The following SLC22A4 variants were observed in gnomAD, a reference collection of about 807,000 sequenced individuals.
SLC22A4 encodes the protein ET transporter.
Under a neutral mutation model 56.6 loss-of-function variants are expected in SLC22A4, and 39 were observed. That is an observed-to-expected ratio of 0.69 (90% CI 0.53 to 0.90). The LOEUF (loss-of-function observed/expected upper bound fraction) is 0.90, where lower values mean the gene tolerates loss of function less well. Ranked by LOEUF, SLC22A4 falls within the 40% of genes least tolerant of loss-of-function variation. The probability of loss-of-function intolerance (pLI) is 0.00; values close to 1 mark genes in which losing one functional copy is unlikely to be tolerated. For missense variants in SLC22A4, 594 were observed against 696.5 expected (o/e 0.85, Z 1.66); for synonymous variants, 241 against 281.4 (o/e 0.86, Z 1.44).
At chr5:132,315,264 C>T (rs569707528) in intron 3 of SLC22A4, among the ~76,000 whole-genome samples, 5 of 152,172 alleles carry the variant, frequency 3.3e-5, no homozygotes, top group South Asian at 2.1e-4. Context: ...CTCCCCAAAA[C>T]GGAGGACTCT....
chr5:132,316,954 C>G (rs551846463), intron 3 of SLC22A4, among the ~76,000 whole-genome samples: 4 of 152,258 alleles, frequency 2.6e-5, no homozygotes, highest in Non-Finnish European at 5.9e-5. Flanking sequence ...AGTCCAAGAT[C>G]AAAGTGCCAG....
chr5:132,301,414 G>A (rs918292363), intron 1 of SLC22A4, among the ~76,000 whole-genome samples: 2 of 152,228 alleles, frequency 1.3e-5, no homozygotes, highest in Non-Finnish European at 2.9e-5. Flanking sequence ...GTCCTCTTCT[G>A]CAGCTGGGCT....
intron 1 of SLC22A4, among the ~76,000 whole-genome samples, chr5:132,298,352 C>T (rs918128102): frequency 6.6e-5 from 10 of 152,210 alleles, no homozygotes; most frequent in Non-Finnish European, 1.0e-4. Context: ...GAGGAGACTA[C>T]GCTTAGTGAA....
rs1217732111 is a variant in SLC22A4, at chr5:132,294,968, G to C, written c.352G>C (p.Glu118Gln). 4.4e-6 allele frequency: 7 copies of C among 1,607,194 alleles called. No homozygotes were observed. Among genetic ancestry groups the C allele is most frequent in the Non-Finnish European group, 1.7e-6 (2 of 1,177,450 alleles). The part of the protein sequence containing the change: ...LEQESCLDGW[E>Q]FSQDVYLSTV... Reference sequence around the variant, plus strand: ...GCAGGAGAGCTGCCTGGATGGCTGGGAGTTCAGCCAGGACGTCTACCTGTC... The same window carrying C: ...GCAGGAGAGCTGCCTGGATGGCTGGCAGTTCAGCCAGGACGTCTACCTGTC... Residue 118 changes from glutamate (E) to glutamine (Q), a missense_variant, in exon 1 of 10, where the codon GAG becomes CAG. Transcript: ENST00000200652. The surrounding 1 kb of genome is among the most constrained non-coding windows in gnomAD (Gnocchi z 5.6).
At position 132,294,425 on chromosome 5, in the gene SLC22A4, C is replaced by T; in HGVS notation, c.-192C>T. 5.7e-6 allele frequency: 4 copies of T among 702,272 alleles called. No individual in the cohort carries two copies. The highest frequency in any genetic ancestry group is 9.6e-6 in the Non-Finnish European group (4 of 418,842). 43.5% of individuals were successfully genotyped at this position (702,272 alleles called of 1,614,324 possible). On this transcript the variant is annotated 5_prime_UTR_variant, in exon 1 of 10. Transcript: ENST00000200652. The surrounding 1 kb of genome is among the most constrained non-coding windows in gnomAD (Gnocchi z 5.6). ...ACAGTGGCATCAAGCTCAGCGCGAG[C>T]TCCCGGGAACGCTCCAACGCCTTCA...
At chr5:132,306,226 T>C (rs191240884) in intron 1 of SLC22A4, among the ~76,000 whole-genome samples, 63 of 151,588 alleles carry the variant, frequency 4.2e-4, no homozygotes, top group African/African-American at 1.5e-3. Flanking sequence ...ATTTCACTAC[T>C]ATGTATATAC....
At chr5:132,322,766 AG>A (rs1248835499) in intron 4 of SLC22A4, among the ~76,000 whole-genome samples, 2 of 152,246 alleles carry the variant, frequency 1.3e-5, no homozygotes, top group Non-Finnish European at 2.9e-5. Flanking sequence ...CATCTATGAA[AG>A]GGAAGCCTAT....
intron 1 of SLC22A4, among the ~76,000 whole-genome samples, chr5:132,306,863 T>A (rs771743131): frequency 8.5e-5 from 13 of 152,154 alleles, no homozygotes; most frequent in Non-Finnish European, 2.9e-5. Context: ...AAACACTATA[T>A]ATTGTATGAT....
At chr5:132,316,709 G>A (rs1363503964) in intron 3 of SLC22A4, among the ~76,000 whole-genome samples, 1 of 152,192 alleles carries the variant, frequency 6.6e-6, no homozygotes, top group Non-Finnish European at 1.5e-5. Context: ...AGGTGTGTAA[G>A]TGATGGCATC....
Position 132,312,244 on chromosome 5 carries a change from G to A in SLC22A4, c.477G>A (p.Val159=). The A allele has an allele frequency of 6.2e-7, 1 of 1,612,932 alleles. No homozygotes were observed. Among genetic ancestry groups the A allele is most frequent in the South Asian group, 1.1e-5 (1 of 91,058 alleles). The part of the protein sequence containing the change: ...FFVGVLLGSF[V]SGQLSDRFGR... ...TAGGCGTGCTCCTCGGCTCCTTCGT[G>A]TCCGGGCAGCTGTCAGACAGGTAAG... The change falls in exon 2 of 10, where the codon GTG becomes GTA. Residue 159 remains valine (V), a synonymous_variant. Coordinates refer to ENST00000200652, the MANE Select transcript of SLC22A4 (RefSeq NM_003059.3).
chr5:132,324,064 C>T (rs371443547), intron 4 of SLC22A4, among the ~76,000 whole-genome samples: 3 of 152,012 alleles, frequency 2.0e-5, no homozygotes, highest in East Asian at 1.9e-4. Flanking sequence ...CAGTGGTGAG[C>T]GCCTGTAGTC....
At chr5:132,335,767 G>C in intron 7 of SLC22A4, 51 bp from the exon 8 acceptor site, 1 of 1,440,080 alleles carries the variant, frequency 6.9e-7, no homozygotes, top group Non-Finnish European at 9.8e-7. Flanking sequence ...ACTGATATAA[G>C]AAAGTATCAC....
At chr5:132,340,063 G>GTTTTTTTTTTTTTTTTT (rs4646203) in intron 8 of SLC22A4, among the ~76,000 whole-genome samples, 1 of 94,870 alleles carries the variant, frequency 1.1e-5, no homozygotes, top group Non-Finnish European at 2.1e-5. Context: ...ATACTTAGTT[G>GTTTTTTTTTTTTTTTTT]TTTTTTTTTT....
In SLC22A4 at chr5:132,344,021, C is replaced by T. The variant is rs972046557; in HGVS notation, c.*186C>T. 3 of 580,812 alleles carry T rather than the reference C, an allele frequency of 5.2e-6. No homozygotes were observed. In the African/African-American group the frequency reaches 5.6e-5, roughly 11 times the overall value. 36.0% of individuals were successfully genotyped at this position (580,812 alleles called of 1,614,324 possible). On this transcript the variant is annotated 3_prime_UTR_variant, in exon 10 of 10. Transcript: ENST00000200652. ...CCAGATAATGTCCTTGCTTTACAAACCAACCATTTCTAGAGAGTCTCCTTA... is the reference window on the plus strand; with the variant it reads ...CCAGATAATGTCCTTGCTTTACAAATCAACCATTTCTAGAGAGTCTCCTTA...
At chr5:132,306,381 T>A (rs1750029345) in intron 1 of SLC22A4, among the ~76,000 whole-genome samples, 2 of 79,242 alleles carry the variant, frequency 2.5e-5, no homozygotes, top group South Asian at 5.1e-4. Flanking sequence ...ACCCAAACCG[T>A]GAAATATATA....
At chr5:132,296,886 G>A (rs1749790905) in intron 1 of SLC22A4, among the ~76,000 whole-genome samples, 1 of 151,362 alleles carries the variant, frequency 6.6e-6, no homozygotes, top group African/African-American at 2.5e-5. Flanking sequence ...CAAGTCCATA[G>A]CTACTCATGT....
At chr5:132,315,629 G>T (rs560714833) in intron 3 of SLC22A4, among the ~76,000 whole-genome samples, 2 of 152,144 alleles carry the variant, frequency 1.3e-5, no homozygotes, top group Admixed American at 6.5e-5. Context: ...GTGAAGAAGG[G>T]TAAGAGGGCC....
chr5:132,309,241 A>C (rs1561536789), intron 1 of SLC22A4, among the ~76,000 whole-genome samples: 1 of 152,176 alleles, frequency 6.6e-6, no homozygotes, highest in African/African-American at 2.4e-5. Flanking sequence ...TCCTAATACC[A>C]GGCCCCTCAC....
rs751179159 is a variant in SLC22A4 at position 132,294,429 on chromosome 5, C to G, written c.-188C>G. ...TGGCATCAAGCTCAGCGCGAGCTCCCGGGAACGCTCCAACGCCTTCAGCCT... is the reference window on the plus strand; with the variant it reads ...TGGCATCAAGCTCAGCGCGAGCTCCGGGGAACGCTCCAACGCCTTCAGCCT... On this transcript the variant is annotated 5_prime_UTR_variant, in exon 1 of 10. Transcript: ENST00000200652. This position sits in a 1 kb window ranked among gnomAD's most constrained non-coding sequence, Gnocchi z 5.6. 54 of 730,370 alleles carry G rather than the reference C, an allele frequency of 7.4e-5. No individual in the cohort carries two copies. Among genetic ancestry groups the G allele is most frequent in the Non-Finnish European group, 8.6e-5 (38 of 441,172 alleles). 45.2% of individuals were successfully genotyped at this position (730,370 alleles called of 1,614,324 possible).
Sources: allele counts gnomAD v4.1 joint callset (sites outside exome capture counted in the v4.1 genomes callset), GRCh38; gene constraint gnomAD v4.1.1; non-coding constraint Gnocchi (gnomAD v3.1); transcripts MANE v1.5; gene names NCBI Gene and HGNC (gene_info 2026-07-23, HGNC 2026-07-21).